The following TRAM2 variants were observed in gnomAD, a reference collection of about 807,000 sequenced individuals.
TRAM2 encodes the protein translocation associated membrane protein 2.
Under a neutral mutation model 51.0 loss-of-function variants are expected in TRAM2, and 12 were observed. The ratio of observed to expected loss-of-function variants is 0.24; its 90% CI spans 0.15 to 0.38. TRAM2 has a LOEUF of 0.38. Among genes scored for constraint, TRAM2 ranks in the 10% least tolerant of loss-of-function variants. The pLI is 1.00. For missense variants in TRAM2, 361 were observed against 462.0 expected (o/e 0.78, Z 2.00); for synonymous variants, 175 against 179.4 (o/e 0.98, Z 0.20).
At chr6:52,522,276 C>T (rs1766691284) in intron 2 of TRAM2, among the ~76,000 whole-genome samples, 1 of 152,280 alleles carries the variant, frequency 6.6e-6, no homozygotes, top group African/African-American at 2.4e-5. Context: ...GCACACCCCA[C>T]ACTGTGTCCC....
Position 52,577,047 on chromosome 6 carries a change from C to CGCGGAACAACTTCGGGG in TRAM2, c.-133_-132insCCCCGAAGTTGTTCCGC. 1 of 1,065,304 alleles carries CGCGGAACAACTTCGGGG rather than the reference C, an allele frequency of 9.4e-7. No homozygotes were observed. Among genetic ancestry groups the CGCGGAACAACTTCGGGG allele is most frequent in the Non-Finnish European group, 1.2e-6 (1 of 851,280 alleles). The allele number at this position is 1,065,304 out of a possible 1,614,324, so 66.0% of individuals were successfully genotyped here. On this transcript the variant is annotated 5_prime_UTR_variant, in exon 1 of 11. Transcript: ENST00000182527. ...CTCCCACAGCCGCTCGCCCGCCCAG[C>CGCGGAACAACTTCGGGG]GCGGAACAACTTCGGGGCCCGCCCC...
chr6:52,514,942 G>T (rs1766516958), intron 4 of TRAM2, among the ~76,000 whole-genome samples: 2 of 152,140 alleles, frequency 1.3e-5, no homozygotes, highest in Non-Finnish European at 2.9e-5. Flanking sequence ...GAAGTCTTGG[G>T]CCCCCCATTT....
chr6:52,529,182 T>C (rs1766840011), intron 2 of TRAM2, among the ~76,000 whole-genome samples: 1 of 152,150 alleles, frequency 6.6e-6, no homozygotes, highest in South Asian at 2.1e-4. Context: ...TGAGCCACCG[T>C]GCCCAGCCAC....
intron 1 of TRAM2, among the ~76,000 whole-genome samples, chr6:52,557,229 C>G (rs549562875): frequency 1.3e-5 from 2 of 151,730 alleles, no homozygotes; most frequent in Non-Finnish European, 2.9e-5. Context: ...AACGGATGCA[C>G]CAGGATGTAC....
chr6:52,559,240 A>G (rs1452559050), intron 1 of TRAM2, among the ~76,000 whole-genome samples: 1 of 152,204 alleles, frequency 6.6e-6, no homozygotes, highest in Non-Finnish European at 1.5e-5. Context: ...CTTGGACTCC[A>G]CATCAGGAAA....
rs1460789518 is a variant in TRAM2 at position 52,502,296 on chromosome 6, TG to T, written c.*900del. The T allele has an allele frequency of 6.6e-6, 1 of 152,318 alleles. No individual in the cohort carries two copies. Among genetic ancestry groups the T allele is most frequent in the Non-Finnish European group, 1.5e-5 (1 of 68,084 alleles). The allele number at this position is 152,318 out of a possible 1,614,324, so 9.4% of individuals were successfully genotyped here. A position where few individuals can be genotyped will look rare whatever the true frequency, so the allele number is the denominator to read the frequency against. ...TGTTTGGTTTGGTTTTGAATGCTTGTGAATGGCTGAAAAAGCAATGGCGACT... is the reference window on the plus strand; with the variant it reads ...TGTTTGGTTTGGTTTTGAATGCTTGTAATGGCTGAAAAAGCAATGGCGACT... On this transcript the variant is annotated 3_prime_UTR_variant, in exon 11 of 11. Transcript: ENST00000182527.
intron 1 of TRAM2, among the ~76,000 whole-genome samples, chr6:52,556,368 C>A (rs192844756): frequency 1.3e-4 from 19 of 151,950 alleles, no homozygotes; most frequent in Admixed American, 5.9e-4. Context: ...GAAACCTACA[C>A]CTCCCGGGTT....
At chr6:52,569,795 G>T (rs1767648357) in intron 1 of TRAM2, among the ~76,000 whole-genome samples, 1 of 151,960 alleles carries the variant, frequency 6.6e-6, no homozygotes, top group South Asian at 2.1e-4. Flanking sequence ...CTCAGCACAG[G>T]CCCAGAACAG....
intron 4 of TRAM2, among the ~76,000 whole-genome samples, chr6:52,510,648 C>T (rs534360290): frequency 1.3e-5 from 2 of 152,284 alleles, no homozygotes; most frequent in East Asian, 3.9e-4. Flanking sequence ...TCAGCCCATA[C>T]CCAAGGTGAA....
chr6:52,525,818 T>G (rs564781831), intron 2 of TRAM2, among the ~76,000 whole-genome samples: 1 of 152,188 alleles, frequency 6.6e-6, no homozygotes. Context: ...TAATTCAGAT[T>G]GAGTCTTTAC....
intron 1 of TRAM2, among the ~76,000 whole-genome samples, chr6:52,560,742 C>T (rs1222476442): frequency 2.0e-5 from 3 of 152,198 alleles, no homozygotes; most frequent in African/African-American, 7.2e-5. Context: ...ATAACCAGCA[C>T]TGCTGGGTCA....
intron 2 of TRAM2, chr6:52,522,749 G>A: frequency 3.4e-6 from 2 of 594,778 alleles, no homozygotes; most frequent in South Asian, 2.1e-5. Flanking sequence ...AGTTTAAAGA[G>A]AGACCTGAAA....
At chr6:52,542,276 TAAAAAAAATAGTCTTTTAGCC>T (rs1767113391) in intron 1 of TRAM2, among the ~76,000 whole-genome samples, 1 of 147,722 alleles carries the variant, frequency 6.8e-6, no homozygotes, top group African/African-American at 2.5e-5. Flanking sequence ...TTTTTTTTTT[TAAAAAAAATAGTCTTTTAGCC>T]TTTTTTCCTG....
At chr6:52,548,772 CAAG>C (rs1378901057) in intron 1 of TRAM2, among the ~76,000 whole-genome samples, 3 of 152,172 alleles carry the variant, frequency 2.0e-5, no homozygotes, top group Admixed American at 2.0e-4. Context: ...CATTTTAAGA[CAAG>C]AGATGTCATA....
rs1265697615 is a variant in TRAM2 at position 52,576,877 on chromosome 6, G to A, written c.39C>T (p.Phe13=). 1 of 1,613,672 alleles carries A rather than the reference G, an allele frequency of 6.2e-7. No individual in the cohort carries two copies. The highest frequency in any genetic ancestry group is 2.2e-5 in the East Asian group (1 of 44,836). The change falls in exon 1 of 11, where the codon TTC becomes TTT. Residue 13 remains phenylalanine (F), a synonymous_variant. Coordinates refer to ENST00000182527, the MANE Select transcript of TRAM2 (RefSeq NM_012288.4). The part of the protein sequence containing the change: ...FRRRTKSYPL[F]SQEFVIHNHA... ...GGTTGTGGATGACGAACTCCTGGCT[G>A]AAGAGCGGGTAACTTTTCGTCCTCC...
At position 52,498,323 on chromosome 6, in the gene TRAM2, A is replaced by AAAC. The variant is rs1345174267; in HGVS notation, c.*4871_*4873dup. On this transcript the variant is annotated 3_prime_UTR_variant, in exon 11 of 11. Coordinates refer to ENST00000182527, the MANE Select transcript of TRAM2 (RefSeq NM_012288.4). The stretch of plus-strand genomic sequence containing the variant: ...GTAGGGGAGAGGGTTGCTGCGACTA[A>AAAC]AACAAGGTAACACTGAATTAGGAGC... The AAAC allele has an allele frequency of 5.9e-5, 9 of 152,684 alleles. No homozygotes were observed. In the East Asian group the frequency reaches 1.7e-3, roughly 29 times the overall value. 9.5% of individuals were successfully genotyped at this position (152,684 alleles called of 1,614,324 possible). A position where few individuals can be genotyped will look rare whatever the true frequency, so the allele number is the denominator to read the frequency against.
chr6:52,575,561 A>C (rs975422741), intron 1 of TRAM2, among the ~76,000 whole-genome samples: 7 of 152,192 alleles, frequency 4.6e-5, no homozygotes, highest in African/African-American at 1.7e-4. Flanking sequence ...CACCACAAGA[A>C]CGTTCCCAGC....
At chr6:52,509,467 G>A in intron 5 of TRAM2, 61 bp downstream of exon 5, 1 of 1,547,908 alleles carries the variant, frequency 6.5e-7, no homozygotes. Flanking sequence ...ACACTCCGCT[G>A]GGACAGGAAG....
rs142652612 is a variant in TRAM2 at position 52,513,786 on chromosome 6, C to T, written c.411+2220G>A. Among the ~76,000 whole-genome samples, 220 of 152,140 alleles carry T rather than the reference C, an allele frequency of 1.4e-3. 1 individual carries two copies. Among genetic ancestry groups the T allele is most frequent in the Non-Finnish European group, 2.5e-3 (169 of 68,006 alleles). ...GCAAGTGTGATGGGACTTTTAAGCA[C>T]GGGAATGTATGGTTTTATTTCTGTT... On this transcript the variant is annotated intron_variant, in intron 4 of 10. Coordinates refer to ENST00000182527, the MANE Select transcript of TRAM2 (RefSeq NM_012288.4).
Sources: gnomAD v4.1 joint callset for allele counts (sites outside exome capture counted in the v4.1 genomes callset) on GRCh38, gnomAD v4.1.1 for gene constraint, MANE v1.5 for transcripts, NCBI Gene and HGNC (gene_info 2026-07-23, HGNC 2026-07-21) for gene names.